HECTD4: variants seen among roughly 807,000 people sequenced by gnomAD.
HECTD4 encodes the protein probable E3 ubiquitin-protein ligase HECTD4.
Under a neutral mutation model 471.5 loss-of-function variants are expected in HECTD4, and 114 were observed. The observed-to-expected ratio is 0.24, with a 90% CI of 0.21 to 0.28. HECTD4 has a LOEUF of 0.28. Ranked by LOEUF, HECTD4 falls within the 10% of genes least tolerant of loss-of-function variation. HECTD4 has a pLI of 1.00. For synonymous variants in HECTD4, 2,012 were observed against 2,256.0 expected (o/e 0.89, Z 3.07); for missense variants, 3,866 against 5,651.5 (o/e 0.68, Z 10.13).
intron 1 of HECTD4, among the ~76,000 whole-genome samples, chr12:112,358,927 G>T (rs1285415877): frequency 6.6e-6 from 1 of 152,090 alleles, no homozygotes; most frequent in Non-Finnish European, 1.5e-5. Context: ...TATAATCCCA[G>T]CACTTTGGGA....
At chr12:112,339,127 A>ACAAGAATAT (rs1331568746) in intron 1 of HECTD4, among the ~76,000 whole-genome samples, 1 of 152,118 alleles carries the variant, frequency 6.6e-6, no homozygotes, top group African/African-American at 2.4e-5. Context: ...CATGACACGA[A>ACAAGAATAT]CAAGAATATT....
chr12:112,280,063 T>TC (rs1299482345), intron 8 of HECTD4, among the ~76,000 whole-genome samples: 1 of 152,146 alleles, frequency 6.6e-6, no homozygotes, highest in Non-Finnish European at 1.5e-5. Context: ...GGTTTTTTTT[T>TC]CCCATTTTAT....
chr12:112,357,908 A>G (rs1188853130), intron 1 of HECTD4, among the ~76,000 whole-genome samples: 1 of 152,238 alleles, frequency 6.6e-6, no homozygotes, highest in Non-Finnish European at 1.5e-5. Context: ...TCTCATATCT[A>G]AAAGATAATT....
At chr12:112,332,522 C>T (rs2035861513) in intron 1 of HECTD4, among the ~76,000 whole-genome samples, 3 of 120,234 alleles carry the variant, frequency 2.5e-5, no homozygotes, top group Admixed American at 2.2e-4. Flanking sequence ...GCCTGGGTGA[C>T]AGATTAAGAC....
chr12:112,303,710 G>A (rs774085396), intron 7 of HECTD4, among the ~76,000 whole-genome samples: 17 of 151,708 alleles, frequency 1.1e-4, no homozygotes, highest in African/African-American at 3.1e-4. Context: ...AATTAGCTGG[G>A]TGTGGTCATG....
chr12:112,353,200 G>A (rs1248045507), intron 1 of HECTD4, among the ~76,000 whole-genome samples: 1 of 152,198 alleles, frequency 6.6e-6, no homozygotes, highest in African/African-American at 2.4e-5. Flanking sequence ...GTCTGATGAT[G>A]TTTCTTGACA....
At chr12:112,208,756 G>C (rs1198079735) in intron 50 of HECTD4, 126 bp from the exon 51 acceptor site, 4 of 700,478 alleles carry the variant, frequency 5.7e-6, no homozygotes, top group Non-Finnish European at 8.5e-6. Flanking sequence ...GTACACTGAG[G>C]AATGTTAAAT....
chr12:112,317,792 A>C (rs1169985332), intron 2 of HECTD4, among the ~76,000 whole-genome samples: 1 of 152,040 alleles, frequency 6.6e-6, no homozygotes, highest in Non-Finnish European at 1.5e-5. Flanking sequence ...CAGCCTGGGC[A>C]ACAAGGGGAA....
intron 23 of HECTD4, 24 bp downstream of exon 23, chr12:112,252,400 A>G: frequency 6.4e-7 from 1 of 1,567,174 alleles, no homozygotes; most frequent in Non-Finnish European, 8.6e-7. Context: ...CATTTTGTCC[A>G]CGGCAGTGGT....
intron 13 of HECTD4, chr12:112,267,228 A>G (rs1287551500): frequency 6.3e-6 from 3 of 477,020 alleles, no homozygotes; most frequent in Non-Finnish European, 1.1e-5. Flanking sequence ...GAAGAGGACG[A>G]CCATCCCCGA....
chr12:112,257,282 T>C (rs2034037826), intron 20 of HECTD4, among the ~76,000 whole-genome samples: 2 of 152,220 alleles, frequency 1.3e-5, no homozygotes, highest in South Asian at 2.1e-4. Context: ...ATTAGCTATA[T>C]TGCAGGTGCT....
intron 7 of HECTD4, among the ~76,000 whole-genome samples, chr12:112,300,885 T>A (rs1391703007): frequency 6.6e-6 from 1 of 151,676 alleles, no homozygotes; most frequent in Non-Finnish European, 1.5e-5. Context: ...TACTTCTTTT[T>A]CTTTTTCTTT....
In HECTD4 at chr12:112,257,955, T is replaced by C. The variant is rs11066219; in HGVS notation, c.3128+541A>G. Among the ~76,000 whole-genome samples the C allele has an allele frequency of 0.056, 8,468 of 152,132 alleles. 1,290 individuals carry two copies. In the East Asian group the frequency reaches 0.61, roughly 11 times the overall value. On this transcript the variant is annotated intron_variant, in intron 20 of 75. Transcript: ENST00000682272. ...CTGTAATCCCAGCACTTTGGGAGGCTGAGGTGGGCGGATCATGAGGTCAGG... is the reference window on the plus strand; with the variant it reads ...CTGTAATCCCAGCACTTTGGGAGGCCGAGGTGGGCGGATCATGAGGTCAGG...
At chr12:112,176,454 C>T in intron 65 of HECTD4, 142 bp downstream of exon 65, 1 of 635,788 alleles carries the variant, frequency 1.6e-6, no homozygotes, top group Non-Finnish European at 2.8e-6. Context: ...CCTGATACCC[C>T]AGGGAACCCA....
At chr12:112,178,044 T>C (rs2031520337) in intron 64 of HECTD4, among the ~76,000 whole-genome samples, 1 of 152,182 alleles carries the variant, frequency 6.6e-6, no homozygotes, top group Non-Finnish European at 1.5e-5. Context: ...CAAGGGGCAA[T>C]TCAATTTTTT....
At chr12:112,258,665 A>C (rs2034079871) in intron 19 of HECTD4, 69 bp from the exon 20 acceptor site, 3 of 1,215,880 alleles carry the variant, frequency 2.5e-6, no homozygotes, top group Non-Finnish European at 3.5e-6. Flanking sequence ...TGACAGCCAA[A>C]CTTAGAGGTC....
At chr12:112,225,325 A>G (rs1253754380) in intron 44 of HECTD4, among the ~76,000 whole-genome samples, 1 of 148,528 alleles carries the variant, frequency 6.7e-6, no homozygotes, top group Non-Finnish European at 1.5e-5. Context: ...TTTTTAAAAG[A>G]CCAAAAAAAA....
At chr12:112,334,039 T>A (rs1389597495) in intron 1 of HECTD4, among the ~76,000 whole-genome samples, 1 of 151,804 alleles carries the variant, frequency 6.6e-6, no homozygotes, top group Non-Finnish European at 1.5e-5. Flanking sequence ...TGAAACCCCA[T>A]CTCTACTAAA....
Position 112,248,051 on chromosome 12 carries a change from C to T in HECTD4, c.4248+16G>A. 6.3e-7 allele frequency: 1 copy of T among 1,586,874 alleles called. No homozygotes were observed. The highest frequency in any genetic ancestry group is 2.2e-5 in the East Asian group (1 of 44,612). ...AAATGGCAATACCCCAGTGACAAATCATACAATTTGCTCACCTCATTAAAA... is the reference window on the plus strand; with the variant it reads ...AAATGGCAATACCCCAGTGACAAATTATACAATTTGCTCACCTCATTAAAA... On this transcript the variant is annotated intron_variant, in intron 27 of 75. Transcript: ENST00000682272.
Sources: gnomAD v4.1 joint callset for allele counts (sites outside exome capture counted in the v4.1 genomes callset) on GRCh38, gnomAD v4.1.1 for gene constraint, MANE v1.5 for transcripts, NCBI Gene and HGNC (gene_info 2026-07-23, HGNC 2026-07-21) for gene names.